The following GABRG3 variants were observed in gnomAD, a reference collection of about 807,000 sequenced individuals.
GABRG3 encodes gamma-aminobutyric acid receptor subunit gamma-3.
In GABRG3, 25 loss-of-function variants were observed where a neutral mutation model predicts 48.8. That is an observed-to-expected ratio of 0.51 (90% CI 0.37 to 0.72). The LOEUF is 0.72. Among genes scored for constraint, GABRG3 ranks in the 30% least tolerant of loss-of-function variants. The pLI is 0.00. For missense variants in GABRG3, 394 were observed against 577.9 expected (o/e 0.68, Z 3.26); for synonymous variants, 227 against 217.6 (o/e 1.04, Z -0.38).
In GABRG3 at chr15:26,974,469, G is replaced by T. The variant is rs1004305325; in HGVS notation, c.54-2533G>T. Among the ~76,000 whole-genome samples, 13 of 152,102 alleles carry T rather than the reference G, an allele frequency of 8.5e-5. No individual in the cohort carries two copies. Among genetic ancestry groups the T allele is most frequent in the African/African-American group, 2.9e-4 (12 of 41,418 alleles). On this transcript the variant is annotated intron_variant, in intron 1 of 9. Coordinates refer to ENST00000615808, the MANE Select transcript of GABRG3 (RefSeq NM_033223.5). This position sits in a 1 kb window ranked among gnomAD's most constrained non-coding sequence, Gnocchi z 4.3. The stretch of plus-strand genomic sequence containing the variant: ...AGGGCCATAGACAATAACACAGGGT[G>T]GAGGCTGTGGTCTGGCTCTGTAGTG...
chr15:27,032,297 T>C (rs1417509929), intron 3 of GABRG3, among the ~76,000 whole-genome samples: 1 of 152,246 alleles, frequency 6.6e-6, no homozygotes, highest in Non-Finnish European at 1.5e-5. Flanking sequence ...ACATTAACCA[T>C]GAAGTCCCTT....
intron 5 of GABRG3, among the ~76,000 whole-genome samples, chr15:27,391,546 T>C (rs1887132351): frequency 6.6e-6 from 1 of 152,206 alleles, no homozygotes; most frequent in African/African-American, 2.4e-5. Flanking sequence ...GTATTCGTGC[T>C]AATATGCAAC....
chr15:27,307,393 A>C lies in GABRG3; in HGVS notation c.271-19416A>C, dbSNP rs868602003. 3.5e-4 allele frequency among the ~76,000 whole-genome samples: 13 copies of C among 37,016 alleles called. 2 individuals carry two copies. Among genetic ancestry groups the C allele is most frequent in the East Asian group, 7.3e-4 (2 of 2,742 alleles). 24.3% of individuals were successfully genotyped at this position (37,016 alleles called of 152,430 possible). On this transcript the variant is annotated intron_variant, in intron 3 of 9. Coordinates refer to ENST00000615808, the MANE Select transcript of GABRG3 (RefSeq NM_033223.5). ...TAGGTTTATATATTTATATATAACC[A>C]TATAGGTTTATATATTTATATATAA...
Position 27,026,828 on chromosome 15 carries a change from A to G in GABRG3, c.270+7A>G. ...TGTGTCATCAATAAACATGGTAAGA[A>G]GCTCCTTTATTTTCTGATCTAACGG... On this transcript the variant is annotated splice_region_variant and intron_variant, in intron 3 of 9. Transcript: ENST00000615808. 1 of 1,593,588 alleles carries G rather than the reference A, an allele frequency of 6.3e-7. No homozygotes were observed.
chr15:27,419,939 A>G (rs933488725), intron 5 of GABRG3, among the ~76,000 whole-genome samples: 2 of 152,236 alleles, frequency 1.3e-5, no homozygotes, highest in Non-Finnish European at 2.9e-5. Flanking sequence ...CAAGAGACAT[A>G]TATTTCAAAT....
intron 3 of GABRG3, among the ~76,000 whole-genome samples, chr15:27,201,700 G>T (rs1888689691): frequency 2.0e-5 from 3 of 151,952 alleles, no homozygotes; most frequent in Admixed American, 2.0e-4. Flanking sequence ...ATGGGTCTCT[G>T]GTCTTTTATC....
chr15:27,346,501 G>A (rs538768000), intron 5 of GABRG3, among the ~76,000 whole-genome samples: 62 of 152,112 alleles, frequency 4.1e-4, no homozygotes, highest in Non-Finnish European at 7.8e-4. Flanking sequence ...ATTTTGGAAG[G>A]TTCTTGGCCA....
chr15:26,995,689 A>C (rs1297897294), intron 2 of GABRG3, among the ~76,000 whole-genome samples: 2 of 151,926 alleles, frequency 1.3e-5, no homozygotes, highest in Non-Finnish European at 2.9e-5. Context: ...AATTTTTGCT[A>C]CTCTTAACAA....
chr15:27,451,313 T>C (rs553845888), intron 5 of GABRG3, among the ~76,000 whole-genome samples: 1 of 152,130 alleles, frequency 6.6e-6, no homozygotes, highest in Admixed American at 6.6e-5. Flanking sequence ...GTTTAAAAAA[T>C]AGCATACTAC....
chr15:27,145,603 CTCTA>C (rs140259026), intron 3 of GABRG3, among the ~76,000 whole-genome samples: 3,757 of 102,294 alleles, frequency 0.037, 89 homozygotes, highest in Middle Eastern at 0.059. Flanking sequence ...ATATATCTAT[CTCTA>C]TCTATCTATC....
intron 3 of GABRG3, among the ~76,000 whole-genome samples, chr15:27,188,263 A>C (rs1184439961): frequency 6.6e-6 from 1 of 152,122 alleles, no homozygotes; most frequent in Non-Finnish European, 1.5e-5. Flanking sequence ...TGGCTGGGTC[A>C]AATGGTATTT....
At chr15:27,063,501 T>C (rs902456833) in intron 3 of GABRG3, among the ~76,000 whole-genome samples, 1 of 152,176 alleles carries the variant, frequency 6.6e-6, no homozygotes, top group Non-Finnish European at 1.5e-5. Context: ...TGTTTAAGAT[T>C]GTGTGGGCCC....
chr15:27,064,496 G>C (rs945816917), intron 3 of GABRG3, among the ~76,000 whole-genome samples: 5 of 152,148 alleles, frequency 3.3e-5, no homozygotes, highest in South Asian at 4.1e-4. Context: ...TCTGGCCTTT[G>C]TCTGGCTTGG....
At chr15:27,105,671 A>G (rs1897437659) in intron 3 of GABRG3, among the ~76,000 whole-genome samples, 1 of 152,202 alleles carries the variant, frequency 6.6e-6, no homozygotes, top group South Asian at 2.1e-4. Context: ...GGTATGGAGA[A>G]AAGGGAAACT....
intron 3 of GABRG3, among the ~76,000 whole-genome samples, chr15:27,029,630 G>A (rs939801394): frequency 1.3e-5 from 2 of 152,094 alleles, no homozygotes; most frequent in South Asian, 2.1e-4. Context: ...GTTCCTTCAC[G>A]CACATTTGCC....
intron 3 of GABRG3, among the ~76,000 whole-genome samples, chr15:27,250,641 A>G (rs566159496): frequency 6.6e-6 from 1 of 152,240 alleles, no homozygotes; most frequent in African/African-American, 2.4e-5. Context: ...TGGCCAGGCT[A>G]GTCCCGAACT....
chr15:27,420,635 C>T (rs1349675383), intron 5 of GABRG3: 1 of 152,078 alleles, frequency 6.6e-6, no homozygotes, highest in Admixed American at 6.6e-5. Flanking sequence ...TATATCAAAA[C>T]GTCAAGTTTT....
intron 5 of GABRG3, among the ~76,000 whole-genome samples, chr15:27,378,085 A>G (rs1319776765): frequency 6.6e-6 from 1 of 151,988 alleles, no homozygotes; most frequent in East Asian, 1.9e-4. Context: ...CTCTTGTACT[A>G]TGTATGATAT....
intron 3 of GABRG3, among the ~76,000 whole-genome samples, chr15:27,258,800 G>A (rs959078550): frequency 1.3e-5 from 2 of 152,078 alleles, no homozygotes; most frequent in East Asian, 3.9e-4. Flanking sequence ...GTAAGTTATA[G>A]TTAACCGTAT....
Sources: gnomAD v4.1 joint callset for allele counts (sites outside exome capture counted in the v4.1 genomes callset) on GRCh38, gnomAD v4.1.1 for gene constraint, Gnocchi (gnomAD v3.1) non-coding constraint, MANE v1.5 for transcripts, NCBI Gene and HGNC (gene_info 2026-07-23, HGNC 2026-07-21) for gene names.